The following FSIP1 variants were observed in gnomAD, a reference collection of about 807,000 sequenced individuals.
FSIP1 encodes fibrous sheath interacting protein 1, also known as fibrous sheath-interacting protein 1.
In FSIP1, 65 loss-of-function variants were observed where a neutral mutation model predicts 60.9. The observed-to-expected ratio is 1.07, with a 90% CI of 0.87 to 1.31. FSIP1 has a LOEUF of 1.31. Ranked by LOEUF, FSIP1 falls within the 40% of genes most tolerant of loss-of-function variation. The pLI is 0.00. For synonymous variants in FSIP1, 209 were observed against 221.2 expected (o/e 0.94, Z 0.49); for missense variants, 675 against 665.5 (o/e 1.01, Z -0.16).
intron 10 of FSIP1, among the ~76,000 whole-genome samples, chr15:39,707,870 A>G (rs2631702): frequency 0.58 from 87,849 of 151,966 alleles, 28,001 homozygotes; most frequent in Non-Finnish European, 0.74. Flanking sequence ...CTTATATAAT[A>G]GGACCAGGGA....
intron 10 of FSIP1, among the ~76,000 whole-genome samples, chr15:39,698,609 G>A (rs1265209513): frequency 6.6e-6 from 1 of 152,300 alleles, no homozygotes; most frequent in East Asian, 1.9e-4. Flanking sequence ...CGTGATCAGT[G>A]TTTTCCCCAG....
chr15:39,736,569 GCAGA>G (rs1896616750), intron 8 of FSIP1, among the ~76,000 whole-genome samples: 1 of 152,208 alleles, frequency 6.6e-6, no homozygotes, highest in Non-Finnish European at 1.5e-5. Context: ...TTTCCATGCA[GCAGA>G]CATTGAGTGT....
chr15:39,667,001 T>C (rs1893521661), intron 10 of FSIP1, among the ~76,000 whole-genome samples: 1 of 152,202 alleles, frequency 6.6e-6, no homozygotes, highest in Non-Finnish European at 1.5e-5. Flanking sequence ...CCACCCTAAA[T>C]CTGCTTCTCA....
At chr15:39,667,585 G>A (rs1383794903) in intron 10 of FSIP1, among the ~76,000 whole-genome samples, 3 of 152,196 alleles carry the variant, frequency 2.0e-5, no homozygotes, top group Non-Finnish European at 4.4e-5. Flanking sequence ...TTCTGGAGCT[G>A]AAGCTTGCTG....
intron 10 of FSIP1, 63 bp from the exon 11 acceptor site, chr15:39,618,308 AG>A: frequency 7.7e-7 from 1 of 1,305,152 alleles, no homozygotes; most frequent in East Asian, 2.3e-5. Context: ...TATTTTTGGT[AG>A]GCATCCAGTA....
chr15:39,750,443 C>G (rs893043332), intron 5 of FSIP1, among the ~76,000 whole-genome samples: 1 of 151,860 alleles, frequency 6.6e-6, no homozygotes, highest in African/African-American at 2.4e-5. Context: ...AACAGACACA[C>G]AGACCAGCAG....
chr15:39,638,087 T>C (rs546471517), intron 10 of FSIP1, among the ~76,000 whole-genome samples: 1 of 152,374 alleles, frequency 6.6e-6, no homozygotes, highest in Non-Finnish European at 1.5e-5. Context: ...CTCATTCTTT[T>C]TTCTGCCCTC....
chr15:39,609,687 A>C (rs1890955794), intron 11 of FSIP1, among the ~76,000 whole-genome samples: 1 of 152,242 alleles, frequency 6.6e-6, no homozygotes. Flanking sequence ...TGAGCCCAGC[A>C]CACAGACCTG....
rs115288118 is a variant in FSIP1 at position 39,762,921 on chromosome 15, C to T, written c.559+900G>A. Among the ~76,000 whole-genome samples, 266 of 152,084 alleles carry T rather than the reference C, an allele frequency of 1.7e-3. 2 individuals carry two copies. Among genetic ancestry groups the T allele is most frequent in the African/African-American group, 5.8e-3 (241 of 41,484 alleles). ...TCTATTATTGACAGGTAAAGGTGCT[C>T]GTGAAATACAAATTAGTGGGGGAAA... On this transcript the variant is annotated intron_variant, in intron 5 of 11. Coordinates refer to ENST00000350221, the MANE Select transcript of FSIP1 (RefSeq NM_152597.5).
intron 10 of FSIP1, among the ~76,000 whole-genome samples, chr15:39,678,081 T>C (rs1421448580): frequency 6.6e-6 from 1 of 152,048 alleles, no homozygotes; most frequent in African/African-American, 2.4e-5. Flanking sequence ...GTATATTTAA[T>C]ACATATATAC....
At chr15:39,705,301 A>C (rs1240824335) in intron 10 of FSIP1, among the ~76,000 whole-genome samples, 1 of 152,162 alleles carries the variant, frequency 6.6e-6, no homozygotes, top group East Asian at 1.9e-4. Context: ...TAACCCTAGA[A>C]GTCAAAAATG....
At chr15:39,608,167 A>G (rs1402174364) in intron 11 of FSIP1, among the ~76,000 whole-genome samples, 1 of 152,242 alleles carries the variant, frequency 6.6e-6, no homozygotes, top group African/African-American at 2.4e-5. Context: ...TATGTAATAA[A>G]CAGAAAGTAA....
At chr15:39,651,244 C>T (rs1349292307) in intron 10 of FSIP1, among the ~76,000 whole-genome samples, 1 of 152,160 alleles carries the variant, frequency 6.6e-6, no homozygotes, top group Non-Finnish European at 1.5e-5. Flanking sequence ...TCTTAAGCTT[C>T]CAGAGCCCAC....
chr15:39,667,251 A>AT (rs1893532099), intron 10 of FSIP1, among the ~76,000 whole-genome samples: 1 of 152,136 alleles, frequency 6.6e-6, no homozygotes, highest in African/African-American at 2.4e-5. Flanking sequence ...AAGTACCATG[A>AT]GTTTTTTTTA....
chr15:39,723,113 C>T (rs1388374234), intron 9 of FSIP1, among the ~76,000 whole-genome samples: 2 of 152,040 alleles, frequency 1.3e-5, no homozygotes, highest in Non-Finnish European at 2.9e-5. Context: ...CTACCCATTA[C>T]CTAAAGAACC....
At chr15:39,656,468 A>G (rs1238993114) in intron 10 of FSIP1, among the ~76,000 whole-genome samples, 4 of 152,166 alleles carry the variant, frequency 2.6e-5, no homozygotes, top group Admixed American at 2.6e-4. Flanking sequence ...TCCTTCCTCT[A>G]AAACTAACGA....
intron 10 of FSIP1, among the ~76,000 whole-genome samples, chr15:39,626,908 A>G (rs1036542247): frequency 2.6e-5 from 4 of 152,144 alleles, no homozygotes; most frequent in African/African-American, 9.7e-5. Context: ...CAGTGCCACG[A>G]TCACCAGCAG....
chr15:39,618,154 GAAGA>G lies in FSIP1; in HGVS notation c.1276_1279del (p.Ser426GlnfsTer11), dbSNP rs760655931. ...CTCAATGTCTTCCTTTTTTCTTTCT[GAAGA>G]AAGTTTAATGATGGATTTTTGTTTA... On this transcript the variant is annotated frameshift_variant, in exon 11 of 12. Coordinates refer to ENST00000350221, the MANE Select transcript of FSIP1 (RefSeq NM_152597.5). LOFTEE classifies it high-confidence loss of function. The G allele has an allele frequency of 6.2e-7, 1 of 1,614,028 alleles. No individual in the cohort carries two copies. The highest frequency in any genetic ancestry group is 1.1e-5 in the South Asian group (1 of 91,080).
chr15:39,650,525 T>C (rs1194728438), intron 10 of FSIP1, among the ~76,000 whole-genome samples: 4 of 152,212 alleles, frequency 2.6e-5, no homozygotes, highest in Non-Finnish European at 5.9e-5. Flanking sequence ...TTTTCTAATA[T>C]GTATTTATTT....
Sources: allele counts gnomAD v4.1 joint callset (sites outside exome capture counted in the v4.1 genomes callset), GRCh38; gene constraint gnomAD v4.1.1; transcripts MANE v1.5; gene names NCBI Gene and HGNC (gene_info 2026-07-23, HGNC 2026-07-21).